NCOA2: variants seen among roughly 807,000 people sequenced by gnomAD.
NCOA2 encodes class E basic helix-loop-helix protein 75.
In NCOA2, 21 loss-of-function variants were observed where a neutral mutation model predicts 145.1. The observed-to-expected ratio is 0.14, with a 90% CI of 0.10 to 0.21. NCOA2 has a LOEUF of 0.21. Ranked by LOEUF, NCOA2 falls within the 10% of genes least tolerant of loss-of-function variation. NCOA2 has a pLI of 1.00. For missense variants in NCOA2, 1,472 were observed against 1,837.6 expected, an observed-to-expected ratio of 0.80 and a Z score of 3.64; for synonymous variants, 619 against 637.5, an observed-to-expected ratio of 0.97 and a Z score of 0.44.
rs539128282 is a variant in NCOA2, at chr8:70,165,946, A to C, written c.730+620T>G. ...GTGATTCTCCTGCCTCAGCCTCCTG[A>C]GTAGCTGGGACTACAGGCACATGCC... On this transcript the variant is annotated intron_variant, in intron 7 of 22. Transcript: ENST00000452400. Among the ~76,000 whole-genome samples the C allele has an allele frequency of 4.7e-4, 71 of 152,146 alleles. 1 individual carries two copies. The highest frequency in any genetic ancestry group is 1.7e-3 in the African/African-American group (70 of 41,492).
chr8:70,439,913 C>T, the NCOA2 span, among the ~76,000 whole-genome samples: 27,688 of 152,112 alleles, frequency 0.18, 2,781 homozygotes, highest in East Asian at 0.35. Context: ...TGGAGCCCAA[C>T]ATGCTCTGTG....
At position 70,262,448 on chromosome 8, in the gene NCOA2, A is replaced by G. The variant is rs553292993; in HGVS notation, c.-20+34296T>C. Among the ~76,000 whole-genome samples the G allele has an allele frequency of 2.0e-5, 3 of 152,334 alleles. No homozygotes were observed. The South Asian group carries it at 6.2e-4, about 32-fold the overall frequency. On this transcript the variant is annotated intron_variant, in intron 2 of 22. Coordinates refer to ENST00000452400, the MANE Select transcript of NCOA2 (RefSeq NM_006540.4). ...ACCTTAAAGTACCTTTACAAAGAGG[A>G]GAGAAGATGGGAAAGTTGAATCAGG...
intron 1 of NCOA2, among the ~76,000 whole-genome samples, chr8:70,358,697 C>G (rs771903746): frequency 2.0e-5 from 3 of 152,164 alleles, no homozygotes; most frequent in Non-Finnish European, 4.4e-5. Context: ...ACAACCTTGA[C>G]TTGGCACTAA....
chr8:70,343,342 T>C (rs1339700833), intron 1 of NCOA2, among the ~76,000 whole-genome samples: 1 of 152,074 alleles, frequency 6.6e-6, no homozygotes, highest in African/African-American at 2.4e-5. Context: ...TATATGAACC[T>C]TTCCACACCA....
At chr8:70,314,180 CAAAAAAA>C (rs61028027) in intron 1 of NCOA2, among the ~76,000 whole-genome samples, 14 of 17,196 alleles carry the variant, frequency 8.1e-4, no homozygotes, top group South Asian at 3.4e-3. Context: ...ACTCTGACTC[CAAAAAAA>C]AAAAAAAAAA....
chr8:70,381,358 A>C (rs1295439747), intron 1 of NCOA2, among the ~76,000 whole-genome samples: 1 of 152,182 alleles, frequency 6.6e-6, no homozygotes. Flanking sequence ...TGGGATCCTA[A>C]ATCCTAATCT....
chr8:70,341,094 A>AAAG (rs1554630207), intron 1 of NCOA2, among the ~76,000 whole-genome samples: 1 of 150,232 alleles, frequency 6.7e-6, no homozygotes. Context: ...AAAAAAAAAA[A>AAAG]AAAGAAACAA....
intron 1 of NCOA2, among the ~76,000 whole-genome samples, chr8:70,304,914 T>C (rs1346029760): frequency 2.0e-5 from 3 of 151,068 alleles, no homozygotes; most frequent in African/African-American, 7.3e-5. Flanking sequence ...TGGAGTGCTG[T>C]GGTGCAACCA....
intron 12 of NCOA2, among the ~76,000 whole-genome samples, chr8:70,146,087 A>AT (rs1344697322): frequency 4.6e-5 from 7 of 152,210 alleles, no homozygotes; most frequent in African/African-American, 1.2e-4. Flanking sequence ...CATGGTTTGG[A>AT]TATTAGAACA....
intron 1 of NCOA2, among the ~76,000 whole-genome samples, chr8:70,391,788 C>A (rs1224225826): frequency 6.6e-6 from 1 of 152,132 alleles, no homozygotes; most frequent in Non-Finnish European, 1.5e-5. Context: ...TTGATTAGAT[C>A]CTCGTTTGAA....
At chr8:70,126,749 C>T in intron 19 of NCOA2, 64 bp downstream of exon 19, 1 of 1,377,850 alleles carries the variant, frequency 7.3e-7, no homozygotes, top group Non-Finnish European at 1.0e-6. Flanking sequence ...GAGCTGTGAC[C>T]CAACACTGGG....
At chr8:70,114,942 A>G (rs1453643786) in intron 22 of NCOA2, among the ~76,000 whole-genome samples, 1 of 152,242 alleles carries the variant, frequency 6.6e-6, no homozygotes, top group African/African-American at 2.4e-5. Context: ...TAAGCTTAAA[A>G]AATGAGCTTA....
At chr8:70,157,317 A>G in intron 10 of NCOA2, 77 bp from the exon 11 acceptor site, 1 of 1,286,976 alleles carries the variant, frequency 7.8e-7, no homozygotes, top group Non-Finnish European at 1.0e-6. Flanking sequence ...TTTAAAAATG[A>G]TATGGCCTCT....
chr8:70,287,418 A>G (rs1826315114), intron 2 of NCOA2, among the ~76,000 whole-genome samples: 1 of 152,174 alleles, frequency 6.6e-6, no homozygotes, highest in Non-Finnish European at 1.5e-5. Flanking sequence ...TTTAGAATTG[A>G]AAACTTTCTT....
chr8:70,272,489 T>G (rs1207112761), intron 2 of NCOA2, among the ~76,000 whole-genome samples: 1 of 152,226 alleles, frequency 6.6e-6, no homozygotes, highest in African/African-American at 2.4e-5. Flanking sequence ...TTTCCTTTGA[T>G]AAGAGTAATT....
chr8:70,281,876 C>T (rs1437974990), intron 2 of NCOA2, among the ~76,000 whole-genome samples: 1 of 152,220 alleles, frequency 6.6e-6, no homozygotes, highest in African/African-American at 2.4e-5. Flanking sequence ...CCCACTATCA[C>T]CACCAAATGT....
chr8:70,134,986 C>T (rs1216488366), intron 15 of NCOA2, among the ~76,000 whole-genome samples: 5 of 152,074 alleles, frequency 3.3e-5, no homozygotes, highest in Non-Finnish European at 7.4e-5. Flanking sequence ...ACAGGCCCTA[C>T]TCAGAATTCT....
At chr8:70,127,683 G>A (rs1171734718) in intron 18 of NCOA2, among the ~76,000 whole-genome samples, 1 of 152,138 alleles carries the variant, frequency 6.6e-6, no homozygotes, top group African/African-American at 2.4e-5. Flanking sequence ...TTCTGAAGTT[G>A]CCTACTCAGT....
chr8:70,295,189 AC>A (rs1326974292), intron 2 of NCOA2, among the ~76,000 whole-genome samples: 1 of 152,196 alleles, frequency 6.6e-6, no homozygotes, highest in East Asian at 1.9e-4. Context: ...GCCTACCGCT[AC>A]CTTTGATAAT....
Sources: allele counts gnomAD v4.1 joint callset (sites outside exome capture counted in the v4.1 genomes callset), GRCh38; gene constraint gnomAD v4.1.1; transcripts MANE v1.5; gene names NCBI Gene and HGNC (gene_info 2026-07-23, HGNC 2026-07-21).